Variants in POFUT3 observed in about 807,000 individuals in gnomAD.
POFUT3 encodes the protein GDP-fucose protein O-fucosyltransferase 3.
chr8:33,363,029 C>T, the POFUT3 span, among the ~76,000 whole-genome samples: 1 of 152,162 alleles, frequency 6.6e-6, no homozygotes, highest in Non-Finnish European at 1.5e-5. Flanking sequence ...AAGTAAAGCT[C>T]CTCAGCAAAT....
the POFUT3 span, among the ~76,000 whole-genome samples, chr8:33,335,969 C>T: frequency 1.3e-5 from 2 of 151,788 alleles, no homozygotes; most frequent in East Asian, 1.9e-4. Context: ...GCAGGCACAC[C>T]GGTGTAACTT....
At chr8:33,352,017 C>T in the POFUT3 span, among the ~76,000 whole-genome samples, 1 of 152,106 alleles carries the variant, frequency 6.6e-6, no homozygotes, top group Non-Finnish European at 1.5e-5. Flanking sequence ...ATAACAAAGA[C>T]AAAACTAGAT....
the POFUT3 span, among the ~76,000 whole-genome samples, chr8:33,315,410 A>G: frequency 3.9e-4 from 60 of 152,296 alleles, no homozygotes; most frequent in East Asian, 0.01. Flanking sequence ...GTGATTAAAC[A>G]TCAGAGGGAA....
At chr8:33,426,036 T>A in the POFUT3 span, among the ~76,000 whole-genome samples, 1 of 152,104 alleles carries the variant, frequency 6.6e-6, no homozygotes, top group South Asian at 2.1e-4. Context: ...CCTGAGTAAC[T>A]GGGATTACAG....
chr8:33,414,197 A>T, the POFUT3 span, among the ~76,000 whole-genome samples: 1 of 152,052 alleles, frequency 6.6e-6, no homozygotes, highest in Non-Finnish European at 1.5e-5. Context: ...CCAAGCCCAA[A>T]TAGGTTTTGT....
chr8:33,308,091 G>T, the POFUT3 span, among the ~76,000 whole-genome samples: 1 of 151,908 alleles, frequency 6.6e-6, no homozygotes, highest in Non-Finnish European at 1.5e-5. Context: ...TATTGCATAC[G>T]CACAAGTAAA....
the POFUT3 span, among the ~76,000 whole-genome samples, chr8:33,458,262 TAA>T: frequency 2.0e-5 from 3 of 151,488 alleles, no homozygotes; most frequent in East Asian, 3.9e-4. Context: ...TCCTGAACTG[TAA>T]AAAAAAAATT....
At chr8:33,400,977 T>TTTTTG in the POFUT3 span, among the ~76,000 whole-genome samples, 1 of 152,098 alleles carries the variant, frequency 6.6e-6, no homozygotes, top group Non-Finnish European at 1.5e-5. Context: ...TTGTTCTGTT[T>TTTTTG]TTTTGTTTTG....
chr8:33,465,755 T>A, the POFUT3 span, among the ~76,000 whole-genome samples: 1 of 152,026 alleles, frequency 6.6e-6, no homozygotes, highest in Non-Finnish European at 1.5e-5. Flanking sequence ...GGATTACAGG[T>A]ATGAGCCACT....
the POFUT3 span, among the ~76,000 whole-genome samples, chr8:33,375,672 T>C: frequency 6.6e-6 from 1 of 152,178 alleles, no homozygotes; most frequent in Non-Finnish European, 1.5e-5. Flanking sequence ...CACAGTTATA[T>C]TCAAACACTG....
the POFUT3 span, among the ~76,000 whole-genome samples, chr8:33,350,913 A>G: frequency 1.3e-5 from 2 of 152,190 alleles, no homozygotes; most frequent in African/African-American, 4.8e-5. Context: ...ATTTGAAAAA[A>G]TTCACTAAAT....
chr8:33,338,812 A>G, the POFUT3 span: 1 of 152,224 alleles, frequency 6.6e-6, no homozygotes, highest in African/African-American at 2.4e-5. Flanking sequence ...CTCCTGGAGC[A>G]GTGGCAGGAA....
At chr8:33,402,713 C>G in the POFUT3 span, among the ~76,000 whole-genome samples, 7 of 152,092 alleles carry the variant, frequency 4.6e-5, no homozygotes, top group East Asian at 1.3e-3. Context: ...AAGAATGAGA[C>G]AGTAAAAGCA....
At chr8:33,418,242 C>T in the POFUT3 span, among the ~76,000 whole-genome samples, 4 of 152,172 alleles carry the variant, frequency 2.6e-5, no homozygotes, top group Non-Finnish European at 4.4e-5. Context: ...ACTGGCCCCA[C>T]AACCACCACC....
chr8:33,331,715 G>A, the POFUT3 span, among the ~76,000 whole-genome samples: 11 of 152,028 alleles, frequency 7.2e-5, no homozygotes, highest in Admixed American at 2.6e-4. Context: ...TCGCTCTGTC[G>A]CCCAGGCTGG....
chr8:33,340,050 A>C, the POFUT3 span, among the ~76,000 whole-genome samples: 1 of 152,164 alleles, frequency 6.6e-6, no homozygotes, highest in Non-Finnish European at 1.5e-5. Context: ...TAAATTTCTA[A>C]ATGTATGTTG....
the POFUT3 span, among the ~76,000 whole-genome samples, chr8:33,345,004 T>C: frequency 1.3e-5 from 2 of 152,300 alleles, no homozygotes; most frequent in South Asian, 4.1e-4. Context: ...AAAATAAAGA[T>C]TGAATGTGAA....
the POFUT3 span, among the ~76,000 whole-genome samples, chr8:33,312,451 G>A: frequency 1.3e-5 from 2 of 152,076 alleles, no homozygotes; most frequent in Non-Finnish European, 2.9e-5. Flanking sequence ...GGCCTTTAAA[G>A]AGAAGATGAG....
chr8:33,329,745 C>G, the POFUT3 span, among the ~76,000 whole-genome samples: 2 of 152,110 alleles, frequency 1.3e-5, no homozygotes, highest in African/African-American at 4.8e-5. Flanking sequence ...TAATGTGTTT[C>G]TAGGCTGCCA....
Sources: gnomAD v4.1 joint callset for allele counts (sites outside exome capture counted in the v4.1 genomes callset) on GRCh38, gnomAD v4.1.1 for gene constraint, MANE v1.5 for transcripts, NCBI Gene and HGNC (gene_info 2026-07-23, HGNC 2026-07-21) for gene names.